AREL1: variants seen among roughly 807,000 people sequenced by gnomAD.
The protein encoded by AREL1 is apoptosis-resistant E3 ubiquitin protein ligase 1.
AREL1 carries 62 observed loss-of-function variants against 99.0 expected under a neutral mutation model. The observed-to-expected ratio is 0.63, with a 90% confidence interval of 0.51 to 0.77. The LOEUF is 0.77. Among genes scored for constraint, AREL1 ranks in the 30% least tolerant of loss-of-function variants. The pLI is 0.00. For missense variants in AREL1, 879 were observed against 1,027.6 expected (o/e 0.86, Z 1.98); for synonymous variants, 380 against 376.5 (o/e 1.01, Z -0.11).
chr14:74,695,238 C>T lies in AREL1; in HGVS notation c.-333-2910G>A, dbSNP rs147626024. Reference sequence around the variant, plus strand: ...GGGACTACAGGTGCGTACTACTATGCCCAGCTAGTTTTTGTATTTTTGGTA... The same window carrying T: ...GGGACTACAGGTGCGTACTACTATGTCCAGCTAGTTTTTGTATTTTTGGTA... On this transcript the variant is annotated intron_variant, in intron 1 of 19. Coordinates refer to ENST00000356357, the MANE Select transcript of AREL1 (RefSeq NM_001039479.2). Among the ~76,000 whole-genome samples, 976 of 151,826 alleles carry T rather than the reference C, an allele frequency of 6.4e-3. 8 individuals are homozygous for T. The highest frequency in any genetic ancestry group is 0.029 in the South Asian group (141 of 4,804).
At chr14:74,709,379 T>C (rs2090242060) in intron 1 of AREL1, among the ~76,000 whole-genome samples, 1 of 152,266 alleles carries the variant, frequency 6.6e-6, no homozygotes, top group African/African-American at 2.4e-5. Flanking sequence ...TACACAACAG[T>C]ACTCTGACCT....
chr14:74,663,596 C>G lies in AREL1; in HGVS notation c.*124G>C. 1 of 1,011,900 alleles carries G rather than the reference C, an allele frequency of 9.9e-7. No homozygotes were observed. The highest frequency in any genetic ancestry group is 1.5e-6 in the Non-Finnish European group (1 of 646,308). The allele number at this position is 1,011,900 out of a possible 1,614,324, so 62.7% of individuals were successfully genotyped here. A position where few individuals can be genotyped will look rare whatever the true frequency, so the allele number is the denominator to read the frequency against. On this transcript the variant is annotated 3_prime_UTR_variant, in exon 20 of 20. Transcript: ENST00000356357. ...TGTAGGTGACAAAATCCTCCAGACA[C>G]AGGGGAGCATGCGGCATCTTCTGGC...
At chr14:74,670,161 T>C in intron 13 of AREL1, 35 bp from the exon 14 acceptor site, 1 of 1,539,560 alleles carries the variant, frequency 6.5e-7, no homozygotes, top group South Asian at 1.3e-5. Flanking sequence ...CCCTGGGCCA[T>C]TTTTCTTCAA....
chr14:74,706,571 T>TA (rs766430173), intron 1 of AREL1, among the ~76,000 whole-genome samples: 4 of 152,300 alleles, frequency 2.6e-5, no homozygotes, highest in Non-Finnish European at 5.9e-5. Context: ...ACTCAACACT[T>TA]ACCTATTCAA....
Position 74,683,488 on chromosome 14 carries a change from C to G in AREL1, c.289G>C (p.Gly97Arg). ...ACATGAGAGATGTGAACTCTTAGTC[C>G]CACAGGCCGATGTGCAGGGAAAGGC... is the stretch of plus-strand genomic sequence containing the variant. ...GQPFPAHRPV[G>R]LRVHISHVEL... The change falls in exon 5 of 20, where the codon GGA (glycine) becomes CGA (arginine). Residue 97 changes from glycine (G) to arginine (R), a missense_variant. Transcript: ENST00000356357. The G allele has an allele frequency of 1.2e-6, 2 of 1,614,020 alleles. No homozygotes were observed. Among genetic ancestry groups the G allele is most frequent in the East Asian group, 4.5e-5 (2 of 44,866 alleles).
chr14:74,663,562 G>T lies in AREL1; in HGVS notation c.*158C>A. 1 of 766,522 alleles carries T rather than the reference G, an allele frequency of 1.3e-6. No homozygotes were observed. The highest frequency in any genetic ancestry group is 1.6e-5 in the South Asian group (1 of 63,652). The allele number at this position is 766,522 out of a possible 1,614,324, so 47.5% of individuals were successfully genotyped here. A position where few individuals can be genotyped will look rare whatever the true frequency, so the allele number is the denominator to read the frequency against. On this transcript the variant is annotated 3_prime_UTR_variant, in exon 20 of 20. Coordinates refer to ENST00000356357, the MANE Select transcript of AREL1 (RefSeq NM_001039479.2). The stretch of plus-strand genomic sequence containing the variant: ...ATGGGCAGGGAGCAGGTGAGGTAAA[G>T]ACAAGGCTTGTAGGTGACAAAATCC...
At chr14:74,665,343 G>C (rs1443959658) in intron 17 of AREL1, among the ~76,000 whole-genome samples, 1 of 148,406 alleles carries the variant, frequency 6.7e-6, no homozygotes, top group Non-Finnish European at 1.5e-5. Flanking sequence ...CACCTTGCAT[G>C]CTCAAGTGAT....
intron 1 of AREL1, among the ~76,000 whole-genome samples, chr14:74,698,296 C>CTATATTTATT (rs2139965687): frequency 6.6e-6 from 1 of 152,236 alleles, no homozygotes; most frequent in South Asian, 2.1e-4. Flanking sequence ...TCCTAGATAT[C>CTATATTTATT]TATATTTATT....
rs550891116 is a variant in AREL1 at position 74,713,055 on chromosome 14, C to G, written c.-456G>C. On this transcript the variant is annotated 5_prime_UTR_variant, in exon 1 of 20. Transcript: ENST00000356357. ...ACAGACCCCAGAGTTGGTCTCCACC[C>G]GGCCTGGGAACCGGCTCGGGGGATT... 1 of 1,500,710 alleles carries G rather than the reference C, an allele frequency of 6.7e-7. No homozygotes were observed. The allele number at this position is 1,500,710 out of a possible 1,614,324, so 93.0% of individuals were successfully genotyped here. A position where few individuals can be genotyped will look rare whatever the true frequency, so the allele number is the denominator to read the frequency against.
At position 74,698,428 on chromosome 14, in the gene AREL1, T is replaced by A. The variant is rs2090015196; in HGVS notation, c.-333-6100A>T. On this transcript the variant is annotated intron_variant, in intron 1 of 19. Transcript: ENST00000356357. The stretch of plus-strand genomic sequence containing the variant: ...GCATGAAATGGGGTTACAGTCTAAT[T>A]CACTCGATAATTCACAGACTACCAA... Among the ~76,000 whole-genome samples, 3 of 152,206 alleles carry A rather than the reference T, an allele frequency of 2.0e-5. No individual in the cohort carries two copies. The South Asian group carries it at 6.2e-4, about 31-fold the overall frequency.
At chr14:74,674,199 T>A in intron 8 of AREL1, 88 bp from the exon 9 acceptor site, 1 of 1,110,872 alleles carries the variant, frequency 9.0e-7, no homozygotes, top group South Asian at 1.4e-5. Context: ...TAGTCCCTAT[T>A]TACATTTCTC....
At position 74,669,638 on chromosome 14, in the gene AREL1, C is replaced by T; in HGVS notation, c.1914+11G>A. 6.2e-7 allele frequency: 1 copy of T among 1,613,138 alleles called. No individual in the cohort carries two copies. Among genetic ancestry groups the T allele is most frequent in the Non-Finnish European group, 8.5e-7 (1 of 1,179,566 alleles). ...GAACATAGGACCCAGAGGCTTTGTC[C>T]TCTTTCTCACCTTATCCAATTGACC... On this transcript the variant is annotated intron_variant, in intron 15 of 19. Transcript: ENST00000356357.
At chr14:74,665,954 T>A (rs999084519) in intron 17 of AREL1, among the ~76,000 whole-genome samples, 7 of 152,212 alleles carry the variant, frequency 4.6e-5, no homozygotes, top group African/African-American at 1.7e-4. Context: ...TTCTACAAAT[T>A]GTTACAAATG....
At chr14:74,672,394 A>G (rs1309001696) in intron 11 of AREL1, among the ~76,000 whole-genome samples, 1 of 152,230 alleles carries the variant, frequency 6.6e-6, no homozygotes, top group Non-Finnish European at 1.5e-5. Context: ...TCTGTCTTTT[A>G]TAAGTATATC....
chr14:74,676,941 T>C (rs1188508426), intron 5 of AREL1, among the ~76,000 whole-genome samples, 189 bp from the exon 6 acceptor site: 2 of 151,866 alleles, frequency 1.3e-5, no homozygotes, highest in African/African-American at 4.8e-5. Context: ...GGACTATAGG[T>C]GCCCGCCACC....
chr14:74,700,989 T>C (rs1017507297), intron 1 of AREL1, among the ~76,000 whole-genome samples: 13 of 152,264 alleles, frequency 8.5e-5, no homozygotes, highest in African/African-American at 3.1e-4. Context: ...ACTGGTCCAA[T>C]GGAGTAGCTA....
At chr14:74,680,552 G>C (rs892061510) in intron 5 of AREL1, among the ~76,000 whole-genome samples, 5 of 152,112 alleles carry the variant, frequency 3.3e-5, no homozygotes, top group Admixed American at 2.6e-4. Flanking sequence ...CTGCATACTA[G>C]AGAAATGAAA....
intron 1 of AREL1, among the ~76,000 whole-genome samples, chr14:74,711,218 CGAAA>C (rs1566709307): frequency 8.7e-6 from 1 of 114,414 alleles, no homozygotes; most frequent in African/African-American, 3.5e-5. Context: ...GTAACAAGAG[CGAAA>C]CTAACTCCGT....
intron 5 of AREL1, among the ~76,000 whole-genome samples, chr14:74,683,066 G>C (rs1173769664): frequency 6.6e-6 from 1 of 152,180 alleles, no homozygotes; most frequent in Non-Finnish European, 1.5e-5. Context: ...TGGGGGAAAA[G>C]TGACTACTAA....
Sources: allele counts gnomAD v4.1 joint callset (sites outside exome capture counted in the v4.1 genomes callset), GRCh38; gene constraint gnomAD v4.1.1; transcripts MANE v1.5; gene names NCBI Gene and HGNC (gene_info 2026-07-23, HGNC 2026-07-21).